EDARADD: variants seen among roughly 807,000 people sequenced by gnomAD.
The protein encoded by EDARADD is EDAR associated via death domain, also known as ectodysplasin-A receptor-associated adapter protein.
A neutral mutation model predicts 25.6 loss-of-function variants in EDARADD; 20 were observed. The ratio of observed to expected loss-of-function variants is 0.78; its 90% CI spans 0.55 to 1.14. The LOEUF is 1.14. EDARADD is among the 50% of genes most tolerant of loss of function. The probability of loss-of-function intolerance (pLI) is 0.00; values close to 1 mark genes in which losing one functional copy is unlikely to be tolerated. For missense variants in EDARADD, 225 were observed against 270.1 expected (o/e 0.83, Z 1.17); for synonymous variants, 86 against 94.4 (o/e 0.91, Z 0.52).
chr1:236,348,844 C>T (rs1558097419), exon 2 of EDARADD: 1 of 152,164 alleles, frequency 6.6e-6, no homozygotes, highest in African/African-American at 2.4e-5. Context: ...ACTGAGTGCC[C>T]TATCAAAATG....
chr1:236,406,892 G>C (rs1261554326), intron 1 of EDARADD, among the ~76,000 whole-genome samples: 1 of 152,214 alleles, frequency 6.6e-6, no homozygotes, highest in Non-Finnish European at 1.5e-5. Context: ...TAGCACTAAG[G>C]GCTCTGTATC....
chr1:236,429,215 A>AGCGGGAGCGG, intron 4 of EDARADD, among the ~76,000 whole-genome samples: 1 of 129,108 alleles, frequency 7.7e-6, no homozygotes, highest in African/African-American at 2.9e-5. Context: ...CGGGAGAGGG[A>AGCGGGAGCGG]GAGATTTTTT....
At position 236,352,929 on chromosome 1, in the gene EDARADD, G is replaced by C. The variant is rs372154373; in HGVS notation, c.-6+2090G>C. The stretch of plus-strand genomic sequence containing the variant: ...GGAGGCTGAGGCAGAAGGATCACTT[G>C]AGTCCAGGAGTTCAAGGCTGCAGTG... On this transcript the variant is annotated intron_variant, in intron 3 of 7. Coordinates refer to the EDARADD transcript ENST00000439430. Among the ~76,000 whole-genome samples, 16 of 152,026 alleles carry C rather than the reference G, an allele frequency of 1.1e-4. No individual in the cohort carries two copies. The South Asian group carries it at 3.3e-3, about 32-fold the overall frequency.
In EDARADD at chr1:236,482,839, C is replaced by A; in HGVS notation, c.*190C>A. The stretch of plus-strand genomic sequence containing the variant: ...TGGTGGATCTCTGTTTATTTTTGCA[C>A]ATCTGTTATAATTTAATATTCAAAT... On this transcript the variant is annotated 3_prime_UTR_variant, in exon 6 of 6. Coordinates refer to ENST00000334232, the MANE Select transcript of EDARADD (RefSeq NM_145861.4). 1.4e-6 allele frequency: 1 copy of A among 721,830 alleles called. No individual in the cohort carries two copies. The highest frequency in any genetic ancestry group is 2.3e-6 in the Non-Finnish European group (1 of 443,150). 44.7% of individuals were successfully genotyped at this position (721,830 alleles called of 1,614,324 possible).
At position 236,484,184 on chromosome 1, in the gene EDARADD, C is replaced by T. The variant is rs202115969; in HGVS notation, c.*1535C>T. 34 of 1,160,768 alleles carry T rather than the reference C, an allele frequency of 2.9e-5. No individual in the cohort carries two copies. The highest frequency in any genetic ancestry group is 1.0e-5 in the Non-Finnish European group (8 of 767,390). The allele number at this position is 1,160,768 out of a possible 1,614,324, so 71.9% of individuals were successfully genotyped here. A position where few individuals can be genotyped will look rare whatever the true frequency, so the allele number is the denominator to read the frequency against. On this transcript the variant is annotated 3_prime_UTR_variant, in exon 6 of 6. Transcript: ENST00000334232. This position sits in a 1 kb window ranked among gnomAD's most constrained non-coding sequence, Gnocchi z 4.1. ...TGAATGAGAAGAAGTGCAACTGCCT[C>T]CTGCTCAAAGTGAACCAGATTCGCT...
chr1:236,438,122 G>T (rs1366693166), intron 4 of EDARADD, among the ~76,000 whole-genome samples: 1 of 151,648 alleles, frequency 6.6e-6, no homozygotes, highest in African/African-American at 2.4e-5. Flanking sequence ...TTCCCTCTTT[G>T]TCTGTCTGTG....
chr1:236,444,524 C>T (rs886927409), intron 4 of EDARADD, among the ~76,000 whole-genome samples: 9 of 152,076 alleles, frequency 5.9e-5, no homozygotes, highest in African/African-American at 1.9e-4. Flanking sequence ...AGGGTTCAAG[C>T]GATTCTCCTG....
intron 2 of EDARADD, among the ~76,000 whole-genome samples, chr1:236,413,019 A>G (rs1326337213): frequency 4.6e-5 from 7 of 152,184 alleles, no homozygotes; most frequent in African/African-American, 1.2e-4. Context: ...ACGGGCCACC[A>G]TGCCCAGCTA....
intron 5 of EDARADD, among the ~76,000 whole-genome samples, chr1:236,469,662 A>G (rs1161463930): frequency 6.6e-6 from 1 of 152,146 alleles, no homozygotes; most frequent in Non-Finnish European, 1.5e-5. Context: ...CCAAGCTGAA[A>G]AACCAGAAGG....
intron 5 of EDARADD, among the ~76,000 whole-genome samples, chr1:236,470,762 C>T (rs1438906743): frequency 6.6e-6 from 1 of 152,162 alleles, no homozygotes; most frequent in African/African-American, 2.4e-5. Flanking sequence ...GCGCCCACCA[C>T]CACACCCAGC....
At chr1:236,383,695 A>G (rs1408437504) in intron 3 of EDARADD, among the ~76,000 whole-genome samples, 1 of 152,160 alleles carries the variant, frequency 6.6e-6, no homozygotes. Flanking sequence ...TTAATCTGCA[A>G]CTTATTTGGT....
chr1:236,434,658 CT>C (rs914469906), intron 4 of EDARADD, among the ~76,000 whole-genome samples: 1 of 152,114 alleles, frequency 6.6e-6, no homozygotes, highest in African/African-American at 2.4e-5. Context: ...TTGGACACCC[CT>C]GGTATAGACA....
chr1:236,481,578 C>T (rs1431371572), intron 5 of EDARADD, among the ~76,000 whole-genome samples: 1 of 142,180 alleles, frequency 7.0e-6, no homozygotes, highest in Admixed American at 7.2e-5. Context: ...GCCTGGGAAA[C>T]ATGGTGAAAC....
intron 3 of EDARADD, among the ~76,000 whole-genome samples, chr1:236,362,997 A>G (rs1667068471): frequency 2.1e-5 from 2 of 95,650 alleles, no homozygotes; most frequent in East Asian, 5.0e-4. Flanking sequence ...GAAAAAAAAA[A>G]AAAAAAAAAA....
In EDARADD at chr1:236,409,267, T is replaced by C; in HGVS notation, c.113T>C (p.Phe38Ser). 6.2e-7 allele frequency: 1 copy of C among 1,612,130 alleles called. No individual in the cohort carries two copies. The highest frequency in any genetic ancestry group is 1.1e-5 in the South Asian group (1 of 90,960). The change falls in exon 2 of 6, where the codon TTT becomes TCT. Residue 38 changes from phenylalanine (F) to serine (S), a missense_variant. Phe to Ser is a radical substitution (Grantham distance 155, BLOSUM62 -2). Coordinates refer to ENST00000334232, the MANE Select transcript of EDARADD (RefSeq NM_145861.4). ...VEDTDPSTLS[F>S]NMSDKYPIQD... ...GACACAGACCCTAGCACTTTATCCT[T>C]TAATATGGTAGGTGACAAATTTTAC...
intron 4 of EDARADD, among the ~76,000 whole-genome samples, chr1:236,430,163 A>T (rs553410574): frequency 1.2e-4 from 18 of 152,268 alleles, no homozygotes; most frequent in African/African-American, 3.4e-4. Context: ...GTTTTGGGGA[A>T]TTTTCAACCA....
chr1:236,382,412 T>C (rs1164774276), intron 3 of EDARADD, among the ~76,000 whole-genome samples: 1 of 152,256 alleles, frequency 6.6e-6, no homozygotes, highest in Non-Finnish European at 1.5e-5. Flanking sequence ...AAAGTTTTAA[T>C]GTCCTTCTTA....
intron 2 of EDARADD, among the ~76,000 whole-genome samples, chr1:236,412,172 C>T (rs1657508953): frequency 6.6e-6 from 1 of 152,166 alleles, no homozygotes; most frequent in Non-Finnish European, 1.5e-5. Context: ...CTCACCCTCC[C>T]AGGGTAGCAA....
intron 3 of EDARADD, among the ~76,000 whole-genome samples, chr1:236,356,485 G>T (rs748304514): frequency 1.3e-5 from 2 of 152,274 alleles, no homozygotes; most frequent in Non-Finnish European, 1.5e-5. Flanking sequence ...TGTTCTTGCA[G>T]CTAGGCCAGA....
Sources: gnomAD v4.1 joint callset for allele counts (sites outside exome capture counted in the v4.1 genomes callset) on GRCh38, gnomAD v4.1.1 for gene constraint, Gnocchi (gnomAD v3.1) non-coding constraint, MANE v1.5 for transcripts, NCBI Gene and HGNC (gene_info 2026-07-23, HGNC 2026-07-21) for gene names.